TAFA1: variants seen among roughly 807,000 people sequenced by gnomAD.
The protein encoded by TAFA1 is chemokine-like protein TAFA-1.
A neutral mutation model predicts 18.5 loss-of-function variants in TAFA1; 4 were observed. That is an observed-to-expected ratio of 0.22 (90% confidence interval 0.11 to 0.49). TAFA1 has a LOEUF of 0.49. Ranked by LOEUF, TAFA1 falls within the 20% of genes least tolerant of loss-of-function variation. TAFA1 has a pLI of 0.98. For missense variants in TAFA1, 147 were observed against 169.0 expected, an observed-to-expected ratio of 0.87 and a Z score of 0.72; for synonymous variants, 56 against 55.2, an observed-to-expected ratio of 1.01 and a Z score of -0.06.
At chr3:68,242,096 C>T (rs2067007340) in intron 2 of TAFA1, among the ~76,000 whole-genome samples, 1 of 152,130 alleles carries the variant, frequency 6.6e-6, no homozygotes, top group Non-Finnish European at 1.5e-5. Context: ...AGTATACTAG[C>T]AAGATGCATA....
intron 3 of TAFA1, among the ~76,000 whole-genome samples, chr3:68,470,275 A>G (rs2071973652): frequency 6.6e-6 from 1 of 152,194 alleles, no homozygotes; most frequent in African/African-American, 2.4e-5. Flanking sequence ...TTTTCTTTAT[A>G]AATTACCCAG....
chr3:68,290,703 G>A (rs745854286), intron 2 of TAFA1, among the ~76,000 whole-genome samples: 1 of 152,038 alleles, frequency 6.6e-6, no homozygotes, highest in Non-Finnish European at 1.5e-5. Flanking sequence ...TAAGTCAAAA[G>A]ATATATCTAA....
At chr3:68,171,246 A>C (rs1464167121) in intron 2 of TAFA1, among the ~76,000 whole-genome samples, 2 of 112,856 alleles carry the variant, frequency 1.8e-5, no homozygotes, top group African/African-American at 3.3e-5. Flanking sequence ...AATAGTCATT[A>C]ATGACTTAGA....
chr3:68,519,826 C>T (rs2072990376), intron 3 of TAFA1, among the ~76,000 whole-genome samples: 1 of 152,170 alleles, frequency 6.6e-6, no homozygotes, highest in Non-Finnish European at 1.5e-5. Flanking sequence ...TCCCAAACAC[C>T]CTATCTCCTA....
chr3:68,518,172 G>T (rs142689945), intron 3 of TAFA1, among the ~76,000 whole-genome samples: 1 of 152,276 alleles, frequency 6.6e-6, no homozygotes, highest in African/African-American at 2.4e-5. Flanking sequence ...CATCTTAATA[G>T]CTGTGTGAGC....
intron 2 of TAFA1, among the ~76,000 whole-genome samples, chr3:68,131,372 C>A (rs1402422054): frequency 6.6e-6 from 1 of 152,174 alleles, no homozygotes; most frequent in Non-Finnish European, 1.5e-5. Context: ...AAGGTGCTGT[C>A]AGAGCTGTTT....
intron 2 of TAFA1, among the ~76,000 whole-genome samples, chr3:68,144,209 G>T (rs1032232158): frequency 6.6e-6 from 1 of 152,070 alleles, no homozygotes. Flanking sequence ...TGTTATTGTT[G>T]TTTTATCCAT....
chr3:68,408,844 A>C (rs2070660353), intron 2 of TAFA1, among the ~76,000 whole-genome samples: 1 of 152,156 alleles, frequency 6.6e-6, no homozygotes, highest in Admixed American at 6.5e-5. Flanking sequence ...AGAACATATA[A>C]TGGGGGTCAA....
At chr3:68,069,129 T>C (rs975921867) in intron 2 of TAFA1, among the ~76,000 whole-genome samples, 3 of 152,190 alleles carry the variant, frequency 2.0e-5, no homozygotes, top group African/African-American at 7.2e-5. Flanking sequence ...ATGGTTTGTA[T>C]GCACCATAAT....
At chr3:68,226,068 G>C (rs1250842579) in intron 2 of TAFA1, among the ~76,000 whole-genome samples, 1 of 152,170 alleles carries the variant, frequency 6.6e-6, no homozygotes, top group African/African-American at 2.4e-5. Flanking sequence ...CCAATTTTCA[G>C]AGTTCAGTTT....
chr3:68,237,869 A>T (rs2066946705), intron 2 of TAFA1, among the ~76,000 whole-genome samples: 1 of 152,238 alleles, frequency 6.6e-6, no homozygotes, highest in Non-Finnish European at 1.5e-5. Flanking sequence ...ACTGACAAGA[A>T]TTAAAGAGAA....
At chr3:68,010,430 G>A (rs184808853) in intron 2 of TAFA1, among the ~76,000 whole-genome samples, 2 of 152,304 alleles carry the variant, frequency 1.3e-5, no homozygotes, top group Non-Finnish European at 2.9e-5. Flanking sequence ...TAGGGGAAAT[G>A]GTTAGAGACT....
intron 2 of TAFA1, among the ~76,000 whole-genome samples, chr3:68,405,383 C>T (rs185913273): frequency 6.6e-6 from 1 of 151,884 alleles, no homozygotes; most frequent in Admixed American, 6.6e-5. Flanking sequence ...CACAGTGGCT[C>T]AAAGCTGTAA....
chr3:68,189,131 T>C (rs1473990395), intron 2 of TAFA1, among the ~76,000 whole-genome samples: 1 of 151,922 alleles, frequency 6.6e-6, no homozygotes, highest in African/African-American at 2.4e-5. Flanking sequence ...TGAGGACTAA[T>C]GTTGTTCATC....
intron 2 of TAFA1, among the ~76,000 whole-genome samples, chr3:68,308,800 A>AAC (rs772910854): frequency 5.3e-5 from 8 of 151,890 alleles, no homozygotes; most frequent in East Asian, 3.9e-4. Context: ...CATACACACA[A>AAC]ACACACACAC....
At chr3:68,227,156 T>C (rs986900576) in intron 2 of TAFA1, among the ~76,000 whole-genome samples, 13 of 151,690 alleles carry the variant, frequency 8.6e-5, no homozygotes, top group African/African-American at 2.9e-4. Context: ...TTTTTTTTTG[T>C]TTTTTAACAC....
chr3:68,073,240 T>C (rs909812347), intron 2 of TAFA1, among the ~76,000 whole-genome samples: 2 of 152,194 alleles, frequency 1.3e-5, no homozygotes, highest in African/African-American at 4.8e-5. Flanking sequence ...GATATTTTTA[T>C]AGATTTACTG....
rs541583314 is a variant in TAFA1, at chr3:68,537,340, CT to C, written c.260-1415del. Among the ~76,000 whole-genome samples the C allele has an allele frequency of 2.3e-3, 349 of 152,248 alleles. 2 individuals carry two copies. The highest frequency in any genetic ancestry group is 7.8e-3 in the African/African-American group (326 of 41,540). On this transcript the variant is annotated intron_variant, in intron 3 of 4. Transcript: ENST00000478136. ...GAATCACAGTGATTACACTAACCCC[CT>C]AATGGCATATAAAAACTTACATACT...
At chr3:68,076,281 C>CTT (rs57929396) in intron 2 of TAFA1, among the ~76,000 whole-genome samples, 1,924 of 147,522 alleles carry the variant, frequency 0.013, 50 homozygotes, top group African/African-American at 0.045. Context: ...GTTCCTACTT[C>CTT]TTTTTTTTTT....
Sources: gnomAD v4.1 joint callset for allele counts (sites outside exome capture counted in the v4.1 genomes callset) on GRCh38, gnomAD v4.1.1 for gene constraint, MANE v1.5 for transcripts, NCBI Gene and HGNC (gene_info 2026-07-23, HGNC 2026-07-21) for gene names.